MED12L: variants seen among roughly 807,000 people sequenced by gnomAD.
MED12L encodes mediator of RNA polymerase II transcription subunit 12-like protein.
Under a neutral mutation model 281.3 loss-of-function variants are expected in MED12L, and 60 were observed. The ratio of observed to expected loss-of-function variants is 0.21; its 90% CI spans 0.17 to 0.26. The LOEUF (loss-of-function observed/expected upper bound fraction) is 0.26. Ranked by LOEUF, MED12L falls within the 10% of genes least tolerant of loss-of-function variation. MED12L has a pLI of 1.00. For synonymous variants in MED12L, 974 were observed against 987.2 expected (o/e 0.99, Z 0.25); for missense variants, 2,146 against 2,680.9 (o/e 0.80, Z 4.41).
chr3:151,347,502 G>A (rs1256364701), intron 16 of MED12L, among the ~76,000 whole-genome samples: 3 of 152,164 alleles, frequency 2.0e-5, no homozygotes, highest in Non-Finnish European at 4.4e-5. Flanking sequence ...TCCTTCTGTG[G>A]GGAGGTTTTC....
At chr3:151,414,939 A>G (rs2108378488) in intron 42 of MED12L, among the ~76,000 whole-genome samples, 1 of 152,330 alleles carries the variant, frequency 6.6e-6, no homozygotes, top group East Asian at 1.9e-4. Flanking sequence ...TTTACGATTA[A>G]TGTTATGACT....
chr3:151,166,201 C>T (rs77429014), intron 11 of MED12L, among the ~76,000 whole-genome samples: 2,825 of 152,128 alleles, frequency 0.019, 62 homozygotes, highest in African/African-American at 0.057. Context: ...GATATATTGA[C>T]GGGCAAGATT....
intron 4 of MED12L, among the ~76,000 whole-genome samples, chr3:151,124,248 C>T (rs577369077): frequency 2.2e-4 from 33 of 152,294 alleles, no homozygotes; most frequent in African/African-American, 7.2e-4. Flanking sequence ...CTTGCTCTAG[C>T]GAAGTAGTGG....
chr3:151,400,443 G>A (rs1321797390), intron 39 of MED12L, among the ~76,000 whole-genome samples: 1 of 152,206 alleles, frequency 6.6e-6, no homozygotes, highest in Non-Finnish European at 1.5e-5. Flanking sequence ...GGACAGAAAA[G>A]AGGAAGCTTC....
At chr3:151,294,041 A>G in intron 16 of MED12L, 1 of 693,948 alleles carries the variant, frequency 1.4e-6, no homozygotes, top group Non-Finnish European at 2.5e-6. Flanking sequence ...CTTACTTTCA[A>G]ATTATGACCC....
chr3:151,140,306 T>C (rs1370211336), intron 5 of MED12L, among the ~76,000 whole-genome samples: 1 of 152,236 alleles, frequency 6.6e-6, no homozygotes, highest in Non-Finnish European at 1.5e-5. Flanking sequence ...AAGTGTATGG[T>C]ACAGCAGTAT....
chr3:151,085,730 CGAGAACGCCGGCGGCGA>C lies in MED12L; in HGVS notation c.-334_-318del, dbSNP rs1353662346. ...AGCTCGCGCTCCCGGGCCGTGGGGG[CGAGAACGCCGGCGGCGA>C]GCCGGCGTCGCTCGCCGCCCCCAGA... On this transcript the variant is annotated 5_prime_UTR_variant, in exon 1 of 45. The change abolishes the stop of an existing upstream ORF in the 5' untranslated region. Coordinates refer to ENST00000687756, the MANE Select transcript of MED12L (RefSeq NM_001393769.1). 2.0e-5 allele frequency: 3 copies of C among 151,980 alleles called. No homozygotes were observed. Among genetic ancestry groups the C allele is most frequent in the Non-Finnish European group, 4.4e-5 (3 of 67,944 alleles). 9.4% of individuals were successfully genotyped at this position (151,980 alleles called of 1,614,324 possible).
At chr3:151,373,112 A>G (rs528595369) in intron 27 of MED12L, among the ~76,000 whole-genome samples, 3 of 152,268 alleles carry the variant, frequency 2.0e-5, no homozygotes, top group South Asian at 2.1e-4. Context: ...AAATATAGCT[A>G]TTAAACATCA....
At chr3:151,282,705 T>C (rs1484918603) in intron 16 of MED12L, among the ~76,000 whole-genome samples, 2 of 152,196 alleles carry the variant, frequency 1.3e-5, no homozygotes, top group Non-Finnish European at 2.9e-5. Context: ...CAAGGTTTAA[T>C]GTTAGGAAAG....
At chr3:151,152,096 T>TTG (rs1718615475) in intron 5 of MED12L, among the ~76,000 whole-genome samples, 1 of 121,086 alleles carries the variant, frequency 8.3e-6, no homozygotes, top group Non-Finnish European at 1.7e-5. Flanking sequence ...TTTTTTTTTT[T>TTG]TTTTTTTTTT....
chr3:151,363,971 T>G (rs1422541770), intron 21 of MED12L, among the ~76,000 whole-genome samples: 8 of 152,110 alleles, frequency 5.3e-5, no homozygotes, highest in Admixed American at 5.2e-4. Flanking sequence ...CATTCCTGGC[T>G]GCCATTGATG....
At chr3:151,412,939 C>T (rs140074966) in intron 41 of MED12L, among the ~76,000 whole-genome samples, 200 bp from the exon 42 acceptor site, 3 of 152,302 alleles carry the variant, frequency 2.0e-5, no homozygotes, top group Non-Finnish European at 2.9e-5. Context: ...TGCAATTTTA[C>T]CTTAAGTCAT....
Position 151,385,031 on chromosome 3 carries a change from A to G in MED12L, c.4928A>G (p.Lys1643Arg), listed in dbSNP as rs898727145. 19 of 1,447,638 alleles carry G rather than the reference A, an allele frequency of 1.3e-5. No individual in the cohort carries two copies. Among genetic ancestry groups the G allele is most frequent in the Non-Finnish European group, 1.7e-5 (18 of 1,033,004 alleles). The allele number at this position is 1,447,638 out of a possible 1,614,324, so 89.7% of individuals were successfully genotyped here. The change falls in exon 36 of 45, where the codon AAA becomes AGA. Residue 1643 changes from lysine (K) to arginine (R), a missense_variant and splice_region_variant. Lys to Arg is a conservative substitution (Grantham distance 26). Coordinates refer to ENST00000687756, the MANE Select transcript of MED12L (RefSeq NM_001393769.1). ...AYMNLVKKLK[K>R]ELGDKRSESI... is the part of the protein sequence containing the mutation. The stretch of plus-strand genomic sequence containing the variant: ...TCTCTCTCTCTCTTTTTTCTTTAGA[A>G]AGAGCTAGGAGACAAGCGATCAGAA...
intron 16 of MED12L, among the ~76,000 whole-genome samples, chr3:151,241,604 G>A (rs556060433): frequency 8.6e-5 from 13 of 151,792 alleles, no homozygotes; most frequent in Non-Finnish European, 1.6e-4. Flanking sequence ...TTTCACAGTG[G>A]GTTATATATA....
intron 16 of MED12L, among the ~76,000 whole-genome samples, chr3:151,221,516 A>G (rs1368624570): frequency 4.6e-5 from 7 of 152,188 alleles, no homozygotes; most frequent in South Asian, 2.1e-4. Context: ...TGCTGTGTGC[A>G]GCCTGGGGAA....
intron 16 of MED12L, among the ~76,000 whole-genome samples, chr3:151,312,971 T>C (rs1342668422): frequency 6.6e-6 from 1 of 152,252 alleles, no homozygotes; most frequent in Non-Finnish European, 1.5e-5. Context: ...ATTAGTACTC[T>C]AGTTTTTCAG....
In MED12L at chr3:151,378,130, G is replaced by A. The variant is rs1711550674; in HGVS notation, c.4435G>A (p.Gly1479Ser). The A allele has an allele frequency of 1.9e-6, 3 of 1,611,006 alleles. No homozygotes were observed. The East Asian group carries it at 6.7e-5, about 36-fold the overall frequency. Reference sequence around the variant, plus strand: ...AGAGCTGGAGAAGGGACAGCACTTGGGTTCTTCTTCCAAAAAGGAAAGGGA... The same window carrying A: ...AGAGCTGGAGAAGGGACAGCACTTGAGTTCTTCTTCCAAAAAGGAAAGGGA... ...GEELEKGQHL[G>S]SSSKKERDRQ... The change falls in exon 31 of 45, where the codon GGT becomes AGT. Residue 1479 changes from glycine to serine, a missense_variant. By Grantham distance (56) the Gly-to-Ser change is moderately conservative (BLOSUM62 0). Around this residue, in one of 9 missense-constraint regions of MED12L, gnomAD observed 212 missense variants for 340.8 expected, o/e 0.62. Transcript: ENST00000687756.
At chr3:151,201,861 C>T (rs56350229) in intron 16 of MED12L, among the ~76,000 whole-genome samples, 15,557 of 152,216 alleles carry the variant, frequency 0.1, 1,906 homozygotes, top group African/African-American at 0.28. Context: ...TTACGCACTT[C>T]TATTTCAAAT....
chr3:151,413,407 C>A, intron 42 of MED12L, 112 bp downstream of exon 42: 1 of 1,295,906 alleles, frequency 7.7e-7, no homozygotes. Context: ...TTCCAAGGAT[C>A]CCTGTGGATT....
Sources: allele counts gnomAD v4.1 joint callset (sites outside exome capture counted in the v4.1 genomes callset), GRCh38; gene constraint gnomAD v4.1.1; regional missense constraint gnomAD v4.1.1; transcripts MANE v1.5; gene names NCBI Gene and HGNC (gene_info 2026-07-23, HGNC 2026-07-21).